Variants in PPP1R1C observed in about 807,000 individuals in gnomAD.
The protein encoded by PPP1R1C is protein phosphatase 1 regulatory subunit 1C.
Under a neutral mutation model 17.4 loss-of-function variants are expected in PPP1R1C, and 15 were observed. The ratio of observed to expected loss-of-function variants is 0.86; its 90% CI spans 0.58 to 1.33. PPP1R1C has a LOEUF of 1.33. Among genes scored for constraint, PPP1R1C ranks in the 40% most tolerant of loss-of-function variants. The pLI is 0.00. For missense variants in PPP1R1C, 143 were observed against 130.0 expected (o/e 1.10, Z -0.48); for synonymous variants, 35 against 43.1 (o/e 0.81, Z 0.73).
At chr2:181,968,636 G>T (rs1459002619) in intron 1 of PPP1R1C, among the ~76,000 whole-genome samples, 1 of 151,956 alleles carries the variant, frequency 6.6e-6, no homozygotes, top group Non-Finnish European at 1.5e-5. Flanking sequence ...GTCTTGTTTT[G>T]TGATCCGTTC....
chr2:182,038,605 A>G (rs16822364), intron 2 of PPP1R1C, among the ~76,000 whole-genome samples: 5,662 of 152,314 alleles, frequency 0.037, 377 homozygotes, highest in Admixed American at 0.18. Flanking sequence ...TAGCTCTATC[A>G]GGGAAGAATG....
chr2:181,974,535 C>G (rs1685063722), intron 1 of PPP1R1C, among the ~76,000 whole-genome samples: 1 of 152,186 alleles, frequency 6.6e-6, no homozygotes, highest in Non-Finnish European at 1.5e-5. Flanking sequence ...GATTTGGTAT[C>G]CATTCTGAGA....
upstream of PPP1R1C, among the ~76,000 whole-genome samples, chr2:181,982,871 G>A (rs531199772): frequency 2.6e-5 from 4 of 152,298 alleles, no homozygotes; most frequent in South Asian, 8.3e-4. Flanking sequence ...TTACTTTGAA[G>A]AGAGACTATA....
chr2:181,964,119 G>A (rs1392729137), intron 1 of PPP1R1C, among the ~76,000 whole-genome samples: 3 of 152,126 alleles, frequency 2.0e-5, no homozygotes, highest in Admixed American at 6.5e-5. Context: ...ACAAGTACAC[G>A]TCCCAGCCTC....
chr2:182,033,170 T>C (rs181031987), intron 2 of PPP1R1C, among the ~76,000 whole-genome samples: 1 of 152,358 alleles, frequency 6.6e-6, no homozygotes, highest in Admixed American at 6.5e-5. Flanking sequence ...TCCCTGATTT[T>C]TGTGATGTCC....
At chr2:182,008,262 A>G (rs1163243510) in intron 2 of PPP1R1C, among the ~76,000 whole-genome samples, 1 of 152,170 alleles carries the variant, frequency 6.6e-6, no homozygotes, top group Non-Finnish European at 1.5e-5. Flanking sequence ...GACAGACTCA[A>G]TAGTTTCAAA....
intron 4 of PPP1R1C, among the ~76,000 whole-genome samples, chr2:182,079,981 T>C (rs1482662385): frequency 1.3e-5 from 2 of 152,228 alleles, no homozygotes; most frequent in East Asian, 3.8e-4. Flanking sequence ...TAATTACATC[T>C]GCAAAGGCCT....
chr2:181,964,070 T>C (rs567368342), intron 1 of PPP1R1C, among the ~76,000 whole-genome samples: 1 of 152,326 alleles, frequency 6.6e-6, no homozygotes, highest in Admixed American at 6.5e-5. Flanking sequence ...TATATAAATA[T>C]ATTTTTGTAC....
In PPP1R1C at chr2:181,967,019, T is replaced by C. The variant is rs1363544529; in HGVS notation, n.112-8200T>C. 6.6e-6 allele frequency among the ~76,000 whole-genome samples: 1 copy of C among 152,164 alleles called. No individual in the cohort carries two copies. Among genetic ancestry groups the C allele is most frequent in the Non-Finnish European group, 1.5e-5 (1 of 68,022 alleles). Reference sequence around the variant, plus strand: ...TTGGTCTTTTCAGGTTTTAAACTTCTTCAGTCTTGGTAGGTTGTAGGTGTC... The same window carrying C: ...TTGGTCTTTTCAGGTTTTAAACTTCCTCAGTCTTGGTAGGTTGTAGGTGTC... On this transcript the variant is annotated intron_variant and non_coding_transcript_variant, in intron 1 of 5. Transcript: ENST00000464264. This position sits in a 1 kb window ranked among gnomAD's most constrained non-coding sequence, Gnocchi z 5.5.
At chr2:182,010,834 G>A (rs531555876) in intron 2 of PPP1R1C, among the ~76,000 whole-genome samples, 2 of 152,080 alleles carry the variant, frequency 1.3e-5, no homozygotes, top group Admixed American at 1.3e-4. Context: ...ATCATACAGG[G>A]ATACTGAATT....
intron 2 of PPP1R1C, among the ~76,000 whole-genome samples, chr2:182,035,691 GA>G (rs1182290291): frequency 6.6e-6 from 1 of 152,122 alleles, no homozygotes; most frequent in Non-Finnish European, 1.5e-5. Flanking sequence ...GCCAAGTGAA[GA>G]TGCACTTGCT....
chr2:182,066,970 G>T (rs200864953), intron 4 of PPP1R1C, among the ~76,000 whole-genome samples: 34,783 of 123,422 alleles, frequency 0.28, 4,248 homozygotes, highest in Admixed American at 0.42. Flanking sequence ...GTGTGTGTTT[G>T]TGTGTGTGTG....
intron 4 of PPP1R1C, among the ~76,000 whole-genome samples, chr2:182,094,108 T>C (rs1488712798): frequency 6.6e-6 from 1 of 152,186 alleles, no homozygotes; most frequent in Non-Finnish European, 1.5e-5. Context: ...TTATTGGACT[T>C]ACAGTTCCAC....
chr2:182,013,399 C>G (rs1483833966), intron 2 of PPP1R1C, among the ~76,000 whole-genome samples: 1 of 152,048 alleles, frequency 6.6e-6, no homozygotes, highest in Admixed American at 6.6e-5. Flanking sequence ...AGTCTGCTGC[C>G]AGATATATTG....
intron 4 of PPP1R1C, among the ~76,000 whole-genome samples, chr2:182,078,138 C>A (rs891377992): frequency 1.3e-5 from 2 of 152,158 alleles, no homozygotes; most frequent in Non-Finnish European, 2.9e-5. Flanking sequence ...TGAGACCGTG[C>A]CACTGCACTC....
intron 2 of PPP1R1C, among the ~76,000 whole-genome samples, chr2:182,043,718 G>A (rs563485020): frequency 1.7e-4 from 25 of 151,204 alleles, no homozygotes; most frequent in African/African-American, 6.0e-4. Context: ...CTTTTTACAG[G>A]CCTCTTCCCT....
At chr2:182,092,493 T>C (rs1193125116) in intron 4 of PPP1R1C, among the ~76,000 whole-genome samples, 1 of 152,082 alleles carries the variant, frequency 6.6e-6, no homozygotes, top group Non-Finnish European at 1.5e-5. Flanking sequence ...TTCCCAACAG[T>C]CTCCCAAATT....
At chr2:182,089,692 T>C (rs560236148) in intron 4 of PPP1R1C, among the ~76,000 whole-genome samples, 41 of 152,152 alleles carry the variant, frequency 2.7e-4, no homozygotes, top group Non-Finnish European at 5.7e-4. Flanking sequence ...AAGAGTAACA[T>C]GGTAGATAAC....
chr2:182,091,068 TTG>T (rs1434905506), intron 4 of PPP1R1C, among the ~76,000 whole-genome samples: 1 of 152,190 alleles, frequency 6.6e-6, no homozygotes, highest in African/African-American at 2.4e-5. Context: ...AGTGCCTGTA[TTG>T]ATGAAGGACT....
Sources: allele counts gnomAD v4.1 joint callset (sites outside exome capture counted in the v4.1 genomes callset), GRCh38; gene constraint gnomAD v4.1.1; non-coding constraint Gnocchi (gnomAD v3.1); transcripts MANE v1.5; gene names NCBI Gene and HGNC (gene_info 2026-07-23, HGNC 2026-07-21).